The following PRSS55 variants were observed in gnomAD, a reference collection of about 807,000 sequenced individuals.
The protein encoded by PRSS55 is probable serine protease UNQ9391/PRO34284.
PRSS55 carries 41 observed loss-of-function variants against 23.6 expected under a neutral mutation model. The ratio of observed to expected loss-of-function variants is 1.74; its 90% CI spans 1.35 to 2.26. The LOEUF is 2.26. Among genes scored for constraint, PRSS55 ranks in the 30% most tolerant of loss-of-function variants. The probability of loss-of-function intolerance (pLI) is 0.00; values close to 1 mark genes in which losing one functional copy is unlikely to be tolerated. For synonymous variants in PRSS55, 262 were observed against 175.5 expected (o/e 1.49, Z -3.90); for missense variants, 669 against 439.1 (o/e 1.52, Z -4.68).
chr8:10,545,155 C>T (rs1280818661), intron 4 of PRSS55: 1 of 221,826 alleles, frequency 4.5e-6, no homozygotes, highest in Non-Finnish European at 7.6e-6. Flanking sequence ...TTGAACTACT[C>T]GAAAAATGAA....
intron 4 of PRSS55, among the ~76,000 whole-genome samples, chr8:10,535,165 C>T (rs954514087): frequency 3.3e-5 from 5 of 152,168 alleles, no homozygotes; most frequent in Non-Finnish European, 7.3e-5. Context: ...AGATTCAATA[C>T]TATCCCTATC....
chr8:10,552,802 G>A (rs1396208183), intron 4 of PRSS55, among the ~76,000 whole-genome samples: 2 of 152,198 alleles, frequency 1.3e-5, no homozygotes, highest in Non-Finnish European at 2.9e-5. Context: ...AAAGGGGAAT[G>A]TTTGTACTCC....
At chr8:10,526,878 G>T (rs1025193530) in intron 1 of PRSS55, among the ~76,000 whole-genome samples, 1 of 152,152 alleles carries the variant, frequency 6.6e-6, no homozygotes, top group Non-Finnish European at 1.5e-5. Flanking sequence ...GGTACCCAAC[G>T]ATAAGTAGCT....
At chr8:10,553,952 T>C (rs1421101874) in exon 5 of PRSS55, 26 of 1,523,166 alleles carry the variant, frequency 1.7e-5, no homozygotes, top group Non-Finnish European at 2.2e-5. Flanking sequence ...GCAAAGCTAT[T>C]TTCCCACTTT....
intron 1 of PRSS55, 183 bp from the exon 2 acceptor site, chr8:10,529,324 T>C (rs2117013780): frequency 1.5e-6 from 1 of 646,942 alleles, no homozygotes; most frequent in South Asian, 1.8e-5. Context: ...GTAGACAAAA[T>C]AAACCATCTG....
intron 4 of PRSS55, among the ~76,000 whole-genome samples, chr8:10,544,393 CCTA>C (rs150126488): frequency 0.077 from 11,784 of 152,086 alleles, 549 homozygotes; most frequent in Middle Eastern, 0.12. Context: ...TTATTTTTAA[CCTA>C]CTTATATATG....
In PRSS55 at chr8:10,537,074, C is replaced by G. The variant is rs569691370; in HGVS notation, c.742-1402C>G. Among the ~76,000 whole-genome samples, 140 of 152,170 alleles carry G rather than the reference C, an allele frequency of 9.2e-4. 2 individuals carry two copies. The highest frequency in any genetic ancestry group is 2.4e-3 in the African/African-American group (101 of 41,520). On this transcript the variant is annotated intron_variant, in intron 4 of 4. Transcript: ENST00000328655. ...ATCTTGGGTTACAGGATGGAGGGTA[C>G]TAAAAAAATTAAAAATAGAACTACC...
chr8:10,540,109 G>GT, downstream of PRSS55: 1 of 152,474 alleles, frequency 6.6e-6, no homozygotes, highest in African/African-American at 2.4e-5. Context: ...GTTGCTTGCT[G>GT]TGTTCCACCA....
downstream of PRSS55, among the ~76,000 whole-genome samples, chr8:10,539,326 T>G (rs1470863578): frequency 6.6e-6 from 1 of 152,164 alleles, no homozygotes; most frequent in Non-Finnish European, 1.5e-5. Context: ...TAAATGTCAA[T>G]CTCATCCAAA....
intron 4 of PRSS55, 24 bp from the exon 5 acceptor site, chr8:10,538,452 C>T: frequency 6.4e-7 from 1 of 1,571,580 alleles, no homozygotes; most frequent in Non-Finnish European, 8.7e-7. Context: ...GGACTCCCTG[C>T]TGAGCTGTGT....
intron 4 of PRSS55, among the ~76,000 whole-genome samples, chr8:10,536,451 G>C (rs1356558046): frequency 6.6e-6 from 1 of 152,168 alleles, no homozygotes; most frequent in Non-Finnish European, 1.5e-5. Flanking sequence ...GTAAAAAGCA[G>C]TTCGTAGATT....
intron 4 of PRSS55, chr8:10,547,454 C>G (rs1274431664): frequency 6.6e-6 from 1 of 152,406 alleles, no homozygotes; most frequent in African/African-American, 2.4e-5. Context: ...AGAGGTGGAC[C>G]CCACCGTGAT....
chr8:10,528,902 C>G (rs1812137814), intron 1 of PRSS55, among the ~76,000 whole-genome samples: 1 of 152,210 alleles, frequency 6.6e-6, no homozygotes, highest in Non-Finnish European at 1.5e-5. Flanking sequence ...TCAAAGCCAG[C>G]TATGTTGCGT....
At position 10,531,454 on chromosome 8, in the gene PRSS55, T is replaced by G. The variant is rs754849593; in HGVS notation, c.507T>G (p.Asp169Glu). The part of the protein sequence containing the change: ...LLLLASPIKL[D>E]DLKVPICLPT... The stretch of plus-strand genomic sequence containing the variant: ...TGCTGGCTTCGCCCATCAAGCTCGA[T>G]GACCTGAAGGTGCCCATCTGCCTCC... Residue 169 changes from aspartate (D) to glutamate (E), a missense_variant, in exon 3 of 5, where the codon GAT (aspartate) becomes GAG (glutamate). Transcript: ENST00000328655. The G allele has an allele frequency of 6.2e-7, 1 of 1,614,092 alleles. No homozygotes were observed. Among genetic ancestry groups the G allele is most frequent in the Non-Finnish European group, 8.5e-7 (1 of 1,180,062 alleles).
chr8:10,533,716 T>G (rs1047358422), intron 4 of PRSS55, among the ~76,000 whole-genome samples: 5 of 152,192 alleles, frequency 3.3e-5, no homozygotes, highest in Non-Finnish European at 7.3e-5. Context: ...GTGGCCACCC[T>G]GATGAACCTG....
intron 4 of PRSS55, chr8:10,545,098 C>T (rs145054256): frequency 2.4e-5 from 16 of 659,134 alleles, no homozygotes; most frequent in African/African-American, 1.4e-4. Flanking sequence ...GGTTTTGCTT[C>T]GAAATTTCCA....
chr8:10,548,880 A>T (rs1812886316), intron 4 of PRSS55, among the ~76,000 whole-genome samples: 1 of 151,984 alleles, frequency 6.6e-6, no homozygotes, highest in South Asian at 2.1e-4. Context: ...GGGGAGACAG[A>T]CTAGGAATGG....
chr8:10,531,681 GT>G, intron 3 of PRSS55, 136 bp downstream of exon 3: 1 of 1,306,008 alleles, frequency 7.7e-7, no homozygotes, highest in Non-Finnish European at 1.0e-6. Flanking sequence ...AGTGCCCAAA[GT>G]TTAGCTCCTT....
At chr8:10,548,060 G>C (rs1812862164) in intron 4 of PRSS55, among the ~76,000 whole-genome samples, 1 of 152,180 alleles carries the variant, frequency 6.6e-6, no homozygotes, top group African/African-American at 2.4e-5. Flanking sequence ...GCTCAGGACA[G>C]GACTGCTCCG....
Sources: gnomAD v4.1 joint callset for allele counts (sites outside exome capture counted in the v4.1 genomes callset) on GRCh38, gnomAD v4.1.1 for gene constraint, MANE v1.5 for transcripts, NCBI Gene and HGNC (gene_info 2026-07-23, HGNC 2026-07-21) for gene names.